Variants in OTOGL observed in about 807,000 individuals in gnomAD.
OTOGL encodes the protein otogelin like, also known as otogelin-like protein.
Under a neutral mutation model 318.5 loss-of-function variants are expected in OTOGL, and 285 were observed. The ratio of observed to expected loss-of-function variants is 0.89; its 90% CI spans 0.81 to 0.99. OTOGL has a LOEUF of 0.99. OTOGL is among the 50% of genes least tolerant of loss of function. The pLI is 0.00. For synonymous variants in OTOGL, 987 were observed against 936.5 expected, an observed-to-expected ratio of 1.05 and a Z score of -0.99; for missense variants, 2,899 against 2,845.6, an observed-to-expected ratio of 1.02 and a Z score of -0.43.
At position 80,261,981 on chromosome 12, in the gene OTOGL, C is replaced by T. The variant is rs1476084249; in HGVS notation, c.1902C>T (p.Gly634=). ...CTTTGCTTTCTAGTTCTCCATCAGG[C>T]ATGATAGAAGGTACACCACAACTTC... ...NIRDDFLSPS[G]MIEGTPQLHA... The change falls in exon 19 of 59, where the codon GGC becomes GGT. Residue 634 remains glycine, a synonymous_variant. Coordinates refer to ENST00000547103, the MANE Select transcript of OTOGL (RefSeq NM_001378609.3). 1.9e-6 allele frequency: 3 copies of T among 1,611,460 alleles called. No individual in the cohort carries two copies. The highest frequency in any genetic ancestry group is 1.7e-6 in the Non-Finnish European group (2 of 1,178,534).
At chr12:80,315,524 AG>A (rs1886913871) in intron 32 of OTOGL, among the ~76,000 whole-genome samples, 1 of 152,174 alleles carries the variant, frequency 6.6e-6, no homozygotes, top group South Asian at 2.1e-4. Context: ...AACCTAATTC[AG>A]ACAAGTAAGG....
chr12:80,107,396 A>G (rs1364901630), intron 1 of OTOGL, among the ~76,000 whole-genome samples: 1 of 152,190 alleles, frequency 6.6e-6, no homozygotes, highest in East Asian at 1.9e-4. Flanking sequence ...CATCAGTCAG[A>G]ATTTTTGGCT....
chr12:80,267,766 T>C (rs1883107299), intron 22 of OTOGL, among the ~76,000 whole-genome samples: 1 of 151,992 alleles, frequency 6.6e-6, no homozygotes, highest in South Asian at 2.1e-4. Flanking sequence ...ATTGTATATA[T>C]ATGTACAAAC....
chr12:80,202,453 A>G (rs562575678), intron 1 of OTOGL, among the ~76,000 whole-genome samples: 11 of 151,950 alleles, frequency 7.2e-5, no homozygotes, highest in Non-Finnish European at 7.4e-5. Context: ...TTGTATTTTT[A>G]GTAGAGACTG....
chr12:80,145,503 CT>C (rs1372299139), intron 1 of OTOGL, among the ~76,000 whole-genome samples: 1 of 151,858 alleles, frequency 6.6e-6, no homozygotes, highest in Non-Finnish European at 1.5e-5. Flanking sequence ...ATGCCTCCAG[CT>C]TTGTTCTTTT....
intron 1 of OTOGL, among the ~76,000 whole-genome samples, chr12:80,178,319 C>T (rs994564891): frequency 6.6e-6 from 1 of 152,066 alleles, no homozygotes; most frequent in Non-Finnish European, 1.5e-5. Context: ...CCTCGACCTC[C>T]CAAAGTGCTG....
chr12:80,270,028 T>C, intron 22 of OTOGL, 74 bp from the exon 23 acceptor site: 1 of 1,164,842 alleles, frequency 8.6e-7, no homozygotes, highest in Non-Finnish European at 1.2e-6. Context: ...TACGTTAGAT[T>C]GTTGTCGAAA....
chr12:80,218,050 G>A (rs1877913978), intron 5 of OTOGL, among the ~76,000 whole-genome samples: 1 of 152,184 alleles, frequency 6.6e-6, no homozygotes, highest in African/African-American at 2.4e-5. Flanking sequence ...AACTATCACT[G>A]TTGTGTTTAA....
intron 8 of OTOGL, among the ~76,000 whole-genome samples, chr12:80,229,857 A>G (rs1297303575): frequency 1.3e-5 from 2 of 152,130 alleles, no homozygotes; most frequent in African/African-American, 2.4e-5. Flanking sequence ...TTTTCCACGG[A>G]AGTTCTGACA....
chr12:80,147,135 A>C (rs1259469995), intron 1 of OTOGL, among the ~76,000 whole-genome samples: 1 of 151,814 alleles, frequency 6.6e-6, no homozygotes, highest in Non-Finnish European at 1.5e-5. Flanking sequence ...TAGTTGTTTT[A>C]ATTGTGATGT....
chr12:80,279,271 C>A, intron 26 of OTOGL, 105 bp downstream of exon 26: 1 of 1,150,318 alleles, frequency 8.7e-7, no homozygotes, highest in Non-Finnish European at 1.2e-6. Flanking sequence ...ATTTATAAAA[C>A]CTATAAAACA....
chr12:80,110,310 G>A (rs1006558676), intron 1 of OTOGL, among the ~76,000 whole-genome samples: 3 of 152,008 alleles, frequency 2.0e-5, no homozygotes, highest in South Asian at 2.1e-4. Context: ...CTCAGGCTCC[G>A]CCTGCCTTGG....
At position 80,310,756 on chromosome 12, in the gene OTOGL, G is replaced by A. The variant is rs370596641; in HGVS notation, c.3450+29G>A. ...AATGAATACTTTAATGAACTCTCGA[G>A]TTTCAATATGTTCTACTGTGTCTAT... is the stretch of plus-strand genomic sequence containing the variant. On this transcript the variant is annotated intron_variant, in intron 30 of 58. Coordinates refer to ENST00000547103, the MANE Select transcript of OTOGL (RefSeq NM_001378609.3). The A allele has an allele frequency of 2.6e-5, 38 of 1,483,944 alleles. No individual in the cohort carries two copies. In the African/African-American group the frequency reaches 5.0e-4, roughly 19 times the overall value. The allele number at this position is 1,483,944 out of a possible 1,614,324, so 91.9% of individuals were successfully genotyped here.
At chr12:80,315,064 A>G (rs554688681) in intron 32 of OTOGL, among the ~76,000 whole-genome samples, 3 of 152,262 alleles carry the variant, frequency 2.0e-5, no homozygotes, top group Admixed American at 2.0e-4. Context: ...TGGTTACTGG[A>G]GGCTAGTGGT....
At chr12:80,102,122 G>T (rs1261845207) in intron 1 of OTOGL, among the ~76,000 whole-genome samples, 2 of 152,170 alleles carry the variant, frequency 1.3e-5, no homozygotes, top group Non-Finnish European at 2.9e-5. Flanking sequence ...AGAATGCAGT[G>T]GTTGAGGGAC....
intron 1 of OTOGL, among the ~76,000 whole-genome samples, chr12:80,145,280 G>C (rs1481224503): frequency 5.3e-5 from 8 of 152,050 alleles, no homozygotes; most frequent in Non-Finnish European, 1.2e-4. Flanking sequence ...CATATGGCTA[G>C]CCAGTTTTCC....
intron 1 of OTOGL, among the ~76,000 whole-genome samples, chr12:80,178,023 G>GT (rs947031143): frequency 2.3e-4 from 30 of 130,336 alleles, no homozygotes; most frequent in African/African-American, 7.9e-4. Context: ...GTTTTTTTCT[G>GT]TTTTTTCTAT....
chr12:80,314,771 T>C (rs1886866882), intron 32 of OTOGL, among the ~76,000 whole-genome samples: 1 of 152,192 alleles, frequency 6.6e-6, no homozygotes, highest in African/African-American at 2.4e-5. Context: ...AATGTAGTGT[T>C]TTGATACATG....
At chr12:80,188,839 G>GT (rs1232889279) in intron 1 of OTOGL, among the ~76,000 whole-genome samples, 3 of 152,100 alleles carry the variant, frequency 2.0e-5, no homozygotes, top group Non-Finnish European at 2.9e-5. Context: ...CAGTATTTTT[G>GT]TTTGAGTAAA....
Sources: gnomAD v4.1 joint callset for allele counts (sites outside exome capture counted in the v4.1 genomes callset) on GRCh38, gnomAD v4.1.1 for gene constraint, MANE v1.5 for transcripts, NCBI Gene and HGNC (gene_info 2026-07-23, HGNC 2026-07-21) for gene names.